PARD3B: variants seen among roughly 807,000 people sequenced by gnomAD.
PARD3B encodes par-3 family cell polarity regulator beta, also known as partitioning defective 3 homolog B.
PARD3B carries 103 observed loss-of-function variants against 130.2 expected under a neutral mutation model. The observed-to-expected ratio is 0.79, with a 90% CI of 0.67 to 0.93. PARD3B has a LOEUF of 0.93. PARD3B is among the 40% of genes least tolerant of loss of function. PARD3B has a pLI of 0.00. For synonymous variants in PARD3B, 583 were observed against 553.2 expected (o/e 1.05, Z -0.76); for missense variants, 1,609 against 1,499.2 (o/e 1.07, Z -1.21).
Position 205,122,082 on chromosome 2 carries a change from C to T in PARD3B, c.1165+133C>T, listed in dbSNP as rs917222674. On this transcript the variant is annotated intron_variant, in intron 8 of 22. Transcript: ENST00000406610. This position sits in a 1 kb window ranked among gnomAD's most constrained non-coding sequence, Gnocchi z 4.3. ...ATCAAAGAATAGATTTAAGTGTATA[C>T]TTAGGTAACTTAAATTTCTTGAAAT... 3.9e-6 allele frequency: 3 copies of T among 764,538 alleles called. No homozygotes were observed. Among genetic ancestry groups the T allele is most frequent in the Admixed American group, 6.1e-5 (2 of 32,976 alleles). 47.4% of individuals were successfully genotyped at this position (764,538 alleles called of 1,614,324 possible).
Position 205,330,833 on chromosome 2 carries a change from T to C in PARD3B, c.2630+29132T>C, listed in dbSNP as rs564019812. Among the ~76,000 whole-genome samples the C allele has an allele frequency of 2.0e-5, 3 of 151,988 alleles. No individual in the cohort carries two copies. In the Middle Eastern group the frequency reaches 0.01, roughly 517 times the overall value. On this transcript the variant is annotated intron_variant, in intron 18 of 22. Transcript: ENST00000406610. The stretch of plus-strand genomic sequence containing the variant: ...GGTTAGAGAAAGGAGAGGAAGGAGG[T>C]AGGGAAGAGTTGGGTGTTAATTTCT...
At chr2:205,232,751 T>A (rs2038904518) in intron 15 of PARD3B, among the ~76,000 whole-genome samples, 2 of 152,146 alleles carry the variant, frequency 1.3e-5, no homozygotes, top group African/African-American at 4.8e-5. Flanking sequence ...GTTTAATATC[T>A]GAGATGTAAA....
chr2:204,756,580 TG>T (rs2040683702), intron 2 of PARD3B, among the ~76,000 whole-genome samples: 1 of 152,144 alleles, frequency 6.6e-6, no homozygotes, highest in Admixed American at 6.6e-5. Flanking sequence ...GTTTTTCAAC[TG>T]AAAGTAGACA....
chr2:205,543,958 A>G (rs1460109771), intron 21 of PARD3B, among the ~76,000 whole-genome samples: 1 of 152,228 alleles, frequency 6.6e-6, no homozygotes, highest in Non-Finnish European at 1.5e-5. Context: ...AAGGGATAGT[A>G]TAAGAAATAA....
chr2:204,848,257 G>T (rs2044549408), intron 2 of PARD3B, among the ~76,000 whole-genome samples: 1 of 152,104 alleles, frequency 6.6e-6, no homozygotes, highest in South Asian at 2.1e-4. Flanking sequence ...GGCGGTCTTG[G>T]AGCATATCCC....
chr2:205,455,589 A>G (rs1321678831), intron 20 of PARD3B, among the ~76,000 whole-genome samples: 1 of 151,836 alleles, frequency 6.6e-6, no homozygotes, highest in Non-Finnish European at 1.5e-5. Flanking sequence ...ATAACTTCAT[A>G]TATTTGTCTT....
chr2:204,548,139 C>T (rs760409276), intron 1 of PARD3B, among the ~76,000 whole-genome samples: 5 of 151,980 alleles, frequency 3.3e-5, no homozygotes, highest in Admixed American at 6.6e-5. Flanking sequence ...CAAGATTTAA[C>T]GAATATTAAA....
chr2:205,154,598 T>A (rs1281021629), intron 10 of PARD3B, among the ~76,000 whole-genome samples: 2 of 152,146 alleles, frequency 1.3e-5, no homozygotes, highest in Admixed American at 1.3e-4. Context: ...CATGCACACA[T>A]ATGTTTATTG....
At position 205,021,527 on chromosome 2, in the gene PARD3B, C is replaced by T. The variant is rs952365019; in HGVS notation, c.395-26054C>T. 6.6e-6 allele frequency among the ~76,000 whole-genome samples: 1 copy of T among 151,828 alleles called. No homozygotes were observed. The highest frequency in any genetic ancestry group is 1.5e-5 in the Non-Finnish European group (1 of 68,006). ...TGCAAAGTGGAACCAGAGTATATTG[C>T]AGTTTCACAAGCAGGAGGTAATAGC... is the stretch of plus-strand genomic sequence containing the variant. On this transcript the variant is annotated intron_variant, in intron 3 of 22. Coordinates refer to ENST00000406610, the MANE Select transcript of PARD3B (RefSeq NM_001302769.2). The surrounding 1 kb of genome is among the most constrained non-coding windows in gnomAD (Gnocchi z 4.5).
chr2:204,832,559 T>C lies in PARD3B; in HGVS notation c.223-132593T>C, dbSNP rs534721225. ...TAAAGCAAAAGGGTGTGGCAAATCA[T>C]GCCATACTTAGGAACAGCTGTGCAG... On this transcript the variant is annotated intron_variant, in intron 2 of 22. Transcript: ENST00000406610. 1.2e-3 allele frequency among the ~76,000 whole-genome samples: 186 copies of C among 152,292 alleles called. 1 individual carries two copies. The highest frequency in any genetic ancestry group is 2.2e-3 in the Non-Finnish European group (149 of 68,022).
At chr2:204,915,149 A>G (rs996273770) in intron 2 of PARD3B, among the ~76,000 whole-genome samples, 4 of 152,140 alleles carry the variant, frequency 2.6e-5, no homozygotes, top group Non-Finnish European at 4.4e-5. Flanking sequence ...ACATTTCCTT[A>G]ATGGAAAGAG....
At chr2:205,192,457 A>C (rs561125349) in intron 14 of PARD3B, among the ~76,000 whole-genome samples, 6 of 152,192 alleles carry the variant, frequency 3.9e-5, no homozygotes, top group Non-Finnish European at 8.8e-5. Flanking sequence ...AAATTATATA[A>C]ATTTATTTCT....
chr2:205,136,127 A>C (rs974318698), intron 10 of PARD3B, among the ~76,000 whole-genome samples: 2 of 152,038 alleles, frequency 1.3e-5, no homozygotes, highest in African/African-American at 4.8e-5. Flanking sequence ...AATCCTTTGC[A>C]TTTCTTAGAG....
intron 2 of PARD3B, among the ~76,000 whole-genome samples, chr2:204,858,821 C>T (rs969318351): frequency 2.7e-5 from 4 of 148,402 alleles, no homozygotes; most frequent in Admixed American, 1.4e-4. Context: ...TATAATATAA[C>T]ATGTTATATA....
At chr2:205,000,153 C>G (rs1372562430) in intron 3 of PARD3B, among the ~76,000 whole-genome samples, 1 of 152,032 alleles carries the variant, frequency 6.6e-6, no homozygotes, top group Non-Finnish European at 1.5e-5. Context: ...CACAGACTGA[C>G]CAAGGCAGAT....
chr2:204,959,350 T>G (rs1026429021), intron 2 of PARD3B, among the ~76,000 whole-genome samples: 1 of 152,228 alleles, frequency 6.6e-6, no homozygotes, highest in Non-Finnish European at 1.5e-5. Context: ...TGTGTATATG[T>G]GCCACATTTT....
chr2:204,598,539 TG>T (rs2033386761), intron 1 of PARD3B, among the ~76,000 whole-genome samples: 1 of 152,110 alleles, frequency 6.6e-6, no homozygotes, highest in South Asian at 2.1e-4. Context: ...AGGGCCATTA[TG>T]GGGATTAAAT....
chr2:205,304,957 T>A (rs1420769060), intron 18 of PARD3B, among the ~76,000 whole-genome samples: 1 of 151,984 alleles, frequency 6.6e-6, no homozygotes, highest in Non-Finnish European at 1.5e-5. Context: ...AAAATTAAAA[T>A]TAAAAAGAAC....
intron 3 of PARD3B, among the ~76,000 whole-genome samples, chr2:205,043,163 T>C (rs1481759413): frequency 6.6e-6 from 1 of 152,140 alleles, no homozygotes; most frequent in Non-Finnish European, 1.5e-5. Context: ...ATTGTAAGGT[T>C]ATATTTGTTT....
Sources: gnomAD v4.1 joint callset for allele counts (sites outside exome capture counted in the v4.1 genomes callset) on GRCh38, gnomAD v4.1.1 for gene constraint, Gnocchi (gnomAD v3.1) non-coding constraint, MANE v1.5 for transcripts, NCBI Gene and HGNC (gene_info 2026-07-23, HGNC 2026-07-21) for gene names.